The following CUX1 variants were observed in gnomAD, a reference collection of about 807,000 sequenced individuals.
The protein encoded by CUX1 is protein CASP.
In CUX1, 31 loss-of-function variants were observed where a neutral mutation model predicts 158.8. The observed-to-expected ratio is 0.20, with a 90% confidence interval of 0.15 to 0.26. CUX1 has a LOEUF of 0.26. Among genes scored for constraint, CUX1 ranks in the 10% least tolerant of loss-of-function variants. The probability of loss-of-function intolerance (pLI) is 1.00; values close to 1 mark genes in which losing one functional copy is unlikely to be tolerated. For synonymous variants in CUX1, 879 were observed against 862.1 expected, an observed-to-expected ratio of 1.02 and a Z score of -0.34; for missense variants, 1,589 against 2,014.6, an observed-to-expected ratio of 0.79 and a Z score of 4.04.
At position 102,066,585 on chromosome 7, in the gene CUX1, G is replaced by A. The variant is rs140651819; in HGVS notation, c.190-3754G>A. On this transcript the variant is annotated intron_variant, in intron 3 of 23. Coordinates refer to ENST00000292535, the MANE Select transcript of CUX1 (RefSeq NM_181552.4). The stretch of plus-strand genomic sequence containing the variant: ...ACGCAGCCACCCGGTACCCTGAGTC[G>A]GAATACCTCGGAAGTGAGGGGCCCT... Among the ~76,000 whole-genome samples the A allele has an allele frequency of 4.0e-4, 61 of 152,232 alleles. 1 individual carries two copies. The highest frequency in any genetic ancestry group is 1.4e-3 in the African/African-American group (57 of 41,530).
chr7:102,028,731 C>T (rs931294017), intron 3 of CUX1, among the ~76,000 whole-genome samples: 1 of 152,236 alleles, frequency 6.6e-6, no homozygotes, highest in African/African-American at 2.4e-5. Flanking sequence ...TCCGCCCTGG[C>T]TACCTGTTAG....
At chr7:102,186,160 A>C (rs1793598725) in intron 11 of CUX1, among the ~76,000 whole-genome samples, 1 of 152,192 alleles carries the variant, frequency 6.6e-6, no homozygotes, top group Admixed American at 6.5e-5. Context: ...TCTTTTTTCC[A>C]CACTGGGCAT....
chr7:102,278,730 T>TA (rs1791816442), intron 18 of CUX1, among the ~76,000 whole-genome samples: 1 of 141,390 alleles, frequency 7.1e-6, no homozygotes, highest in South Asian at 2.3e-4. Context: ...AAAATAATAA[T>TA]AAATAAAATA....
At position 102,257,872 on chromosome 7, in the gene CUX1, A is replaced by G; in HGVS notation, c.*8830A>G. ...TCACAGAGACCCAATTGACCAAAAAAGAAAAAAGGAAAAAAAAAAAGTCGT... is the reference window on the plus strand; with the variant it reads ...TCACAGAGACCCAATTGACCAAAAAGGAAAAAAGGAAAAAAAAAAAGTCGT... On this transcript the variant is annotated 3_prime_UTR_variant, in exon 24 of 24. Transcript: ENST00000292535. 1.1e-5 allele frequency: 11 copies of G among 984,706 alleles called. No individual in the cohort carries two copies. Among genetic ancestry groups the G allele is most frequent in the Non-Finnish European group, 1.3e-5 (11 of 829,692 alleles). The allele number at this position is 984,706 out of a possible 1,614,324, so 61.0% of individuals were successfully genotyped here. A position where few individuals can be genotyped will look rare whatever the true frequency, so the allele number is the denominator to read the frequency against.
rs187540845 is a variant in CUX1 at position 102,114,645 on chromosome 7, A to T, written c.608-562A>T. ...GTAATCCCAGCCCTTTGGGAGGCCA[A>T]GGTGGGAGGATGACTTCAGGCCAGG... On this transcript the variant is annotated intron_variant, in intron 7 of 23. Transcript: ENST00000292535. Among the ~76,000 whole-genome samples, 452 of 152,330 alleles carry T rather than the reference A, an allele frequency of 3.0e-3. 4 individuals are homozygous for T. The highest frequency in any genetic ancestry group is 0.01 in the African/African-American group (428 of 41,584).
At chr7:102,037,659 G>A (rs1821598057) in intron 3 of CUX1, among the ~76,000 whole-genome samples, 1 of 151,994 alleles carries the variant, frequency 6.6e-6, no homozygotes, top group Non-Finnish European at 1.5e-5. Context: ...GCCCTGGGCT[G>A]GGTAGAATTT....
At chr7:102,142,325 A>G (rs1463831765) in intron 8 of CUX1, among the ~76,000 whole-genome samples, 2 of 152,222 alleles carry the variant, frequency 1.3e-5, no homozygotes, top group Non-Finnish European at 1.5e-5. Context: ...TCTGAAAGAG[A>G]GAATGCAGAA....
chr7:102,199,325 G>T (rs897111984), intron 16 of CUX1, among the ~76,000 whole-genome samples: 10 of 152,212 alleles, frequency 6.6e-5, no homozygotes, highest in Non-Finnish European at 1.3e-4. Context: ...TTTTTAAATG[G>T]TGGTATACTT....
At chr7:102,277,280 G>A (rs1173333041) in intron 17 of CUX1, among the ~76,000 whole-genome samples, 1 of 152,038 alleles carries the variant, frequency 6.6e-6, no homozygotes, top group Non-Finnish European at 1.5e-5. Context: ...CTGGGTGATA[G>A]AGCAAGACCC....
At chr7:102,282,802 C>G (rs1272642645) in intron 22 of CUX1, 37 of 1,574,118 alleles carry the variant, frequency 2.4e-5, no homozygotes, top group Non-Finnish European at 3.0e-5. Flanking sequence ...TGGGCCCCCC[C>G]TCAGCCCCAC....
At chr7:102,036,644 A>G (rs1370449718) in intron 3 of CUX1, among the ~76,000 whole-genome samples, 1 of 151,948 alleles carries the variant, frequency 6.6e-6, no homozygotes, top group African/African-American at 2.4e-5. Flanking sequence ...TGAAAGGCTG[A>G]GGCAGGAGAA....
Position 102,248,757 on chromosome 7 carries a change from C to T in CUX1, c.4233C>T (p.Thr1411=), listed in dbSNP as rs1554538122. Residue 1411 remains threonine (T), a synonymous_variant, in exon 24 of 24, where the codon ACC becomes ACT. Coordinates refer to ENST00000292535, the MANE Select transcript of CUX1 (RefSeq NM_181552.4). The surrounding 1 kb of genome is among the most constrained non-coding windows in gnomAD (Gnocchi z 5.8). The part of the protein sequence containing the change: ...PLPSPASATA[T]AAPAAPEDAA... ...CCAGCCCCGCCTCCGCGACCGCCAC[C>T]GCCGCGCCCGCGGCCCCCGAGGACG... The T allele has an allele frequency of 3.9e-6, 4 of 1,033,832 alleles. No homozygotes were observed. Among genetic ancestry groups the T allele is most frequent in the Non-Finnish European group, 4.6e-6 (4 of 861,066 alleles). 64.0% of individuals were successfully genotyped at this position (1,033,832 alleles called of 1,614,324 possible).
intron 1 of CUX1, among the ~76,000 whole-genome samples, chr7:101,876,997 G>T (rs759302622): frequency 1.3e-5 from 2 of 152,070 alleles, no homozygotes; most frequent in East Asian, 1.9e-4. Flanking sequence ...TTGTACATCC[G>T]TGCAGCTTTT....
intron 1 of CUX1, among the ~76,000 whole-genome samples, chr7:101,902,781 A>C (rs1802294566): frequency 6.6e-6 from 1 of 152,156 alleles, no homozygotes. Context: ...TGCCCAAATC[A>C]ACCTTCATGG....
chr7:101,946,629 TG>T (rs942076729), intron 2 of CUX1, among the ~76,000 whole-genome samples: 3 of 149,802 alleles, frequency 2.0e-5, no homozygotes, highest in African/African-American at 7.4e-5. Flanking sequence ...AATGTTGGGT[TG>T]GATTTGGGGT....
At chr7:102,092,238 C>T (rs539300595) in intron 4 of CUX1, among the ~76,000 whole-genome samples, 82 of 152,342 alleles carry the variant, frequency 5.4e-4, no homozygotes, top group African/African-American at 1.9e-3. Context: ...GATCTCTTTT[C>T]CCTTCCTGTT....
intron 8 of CUX1, among the ~76,000 whole-genome samples, chr7:102,123,608 CAAAA>C (rs1248618884): frequency 5.6e-5 from 5 of 88,584 alleles, no homozygotes; most frequent in Non-Finnish European, 7.3e-5. Context: ...GACTCCGTCT[CAAAA>C]AAAAAAAAAA....
chr7:102,276,821 T>C (rs1554547848), intron 17 of CUX1, among the ~76,000 whole-genome samples: 1 of 152,144 alleles, frequency 6.6e-6, no homozygotes, highest in South Asian at 2.1e-4. Context: ...GAGTGACTGC[T>C]GGCAGGTTTG....
At chr7:102,210,158 G>A (rs782755724) in intron 20 of CUX1, among the ~76,000 whole-genome samples, 10 of 152,032 alleles carry the variant, frequency 6.6e-5, no homozygotes, top group Admixed American at 1.3e-4. Context: ...GTGCAGTGGC[G>A]CGATCTCGAC....
Sources: allele counts gnomAD v4.1 joint callset (sites outside exome capture counted in the v4.1 genomes callset), GRCh38; gene constraint gnomAD v4.1.1; non-coding constraint Gnocchi (gnomAD v3.1); transcripts MANE v1.5; gene names NCBI Gene and HGNC (gene_info 2026-07-23, HGNC 2026-07-21).